Variants in SPAG16 observed in about 807,000 individuals in gnomAD.
The protein encoded by SPAG16 is sperm associated antigen 16.
Under a neutral mutation model 80.4 loss-of-function variants are expected in SPAG16, and 86 were observed. The ratio of observed to expected loss-of-function variants is 1.07; its 90% CI spans 0.90 to 1.28. SPAG16 has a LOEUF of 1.28. SPAG16 is among the 50% of genes most tolerant of loss of function. SPAG16 has a pLI of 0.00. For missense variants in SPAG16, 870 were observed against 765.3 expected, an observed-to-expected ratio of 1.14 and a Z score of -1.61; for synonymous variants, 294 against 265.9, an observed-to-expected ratio of 1.11 and a Z score of -1.03.
At chr2:214,395,921 C>A (rs1001913794) in intron 15 of SPAG16, among the ~76,000 whole-genome samples, 2 of 152,046 alleles carry the variant, frequency 1.3e-5, no homozygotes, top group African/African-American at 4.8e-5. Context: ...TTTCTTTAAC[C>A]AGTCTTCAGT....
chr2:214,296,730 G>C (rs1694161457), intron 15 of SPAG16, among the ~76,000 whole-genome samples: 1 of 152,112 alleles, frequency 6.6e-6, no homozygotes, highest in Non-Finnish European at 1.5e-5. Context: ...ACTGATAATA[G>C]TTTGGATGTA....
chr2:214,147,319 G>T (rs1239491648), intron 14 of SPAG16, among the ~76,000 whole-genome samples: 1 of 152,076 alleles, frequency 6.6e-6, no homozygotes, highest in African/African-American at 2.4e-5. Context: ...TAACAATGAT[G>T]AAACTATTTT....
chr2:213,317,307 G>A lies in SPAG16; in HGVS notation c.487G>A (p.Glu163Lys), dbSNP rs2063438126. 6.2e-7 allele frequency: 1 copy of A among 1,611,186 alleles called. No homozygotes were observed. Among genetic ancestry groups the A allele is most frequent in the African/African-American group, 1.3e-5 (1 of 74,778 alleles). Residue 163 changes from glutamate to lysine, a missense_variant, in exon 5 of 16, where the codon GAG becomes AAG. Glu to Lys is a moderately conservative substitution (Grantham distance 56). Transcript: ENST00000331683. ...CACCCAGATTATGCTTTTGGAAAAT[G>A]AGAACAAAAATTTAAAGAAAGATTT... ...VYTQIMLLEN[E>K]NKNLKKDLKH...
At chr2:213,291,421 A>G (rs1327919993) in intron 1 of SPAG16, among the ~76,000 whole-genome samples, 1 of 152,166 alleles carries the variant, frequency 6.6e-6, no homozygotes, top group Non-Finnish European at 1.5e-5. Flanking sequence ...TTAAATATAA[A>G]TTATATTGTG....
intron 9 of SPAG16, among the ~76,000 whole-genome samples, chr2:213,403,438 CA>C: frequency 6.6e-6 from 1 of 152,234 alleles, no homozygotes; most frequent in Admixed American, 6.5e-5. Flanking sequence ...AGCATATAAA[CA>C]GAACCAAAGA....
chr2:214,263,425 T>C (rs1691322880), intron 15 of SPAG16, among the ~76,000 whole-genome samples: 1 of 152,224 alleles, frequency 6.6e-6, no homozygotes, highest in African/African-American at 2.4e-5. Context: ...ATTTCTGTTA[T>C]AAGCACTTGA....
At chr2:213,582,565 A>T (rs1363778177) in intron 10 of SPAG16, among the ~76,000 whole-genome samples, 1 of 152,146 alleles carries the variant, frequency 6.6e-6, no homozygotes, top group Non-Finnish European at 1.5e-5. Context: ...CTTTAAAAAG[A>T]GGAGTTTTTG....
intron 14 of SPAG16, among the ~76,000 whole-genome samples, chr2:214,128,916 A>AGT: frequency 6.6e-6 from 1 of 151,806 alleles, no homozygotes; most frequent in East Asian, 1.9e-4. Flanking sequence ...CCCGCTACTA[A>AGT]AGCGGGGAAG....
intron 6 of SPAG16, among the ~76,000 whole-genome samples, chr2:213,342,692 A>C (rs1235343945): frequency 6.6e-6 from 1 of 151,984 alleles, no homozygotes; most frequent in Non-Finnish European, 1.5e-5. Flanking sequence ...GGGCTATGTC[A>C]TTGTAAATAG....
chr2:213,918,949 A>T (rs1264977307), intron 11 of SPAG16, among the ~76,000 whole-genome samples: 1 of 151,852 alleles, frequency 6.6e-6, no homozygotes, highest in Non-Finnish European at 1.5e-5. Context: ...TCTGATGGTT[A>T]TTTGTATTTC....
intron 10 of SPAG16, among the ~76,000 whole-genome samples, chr2:213,628,561 A>G (rs1298738130): frequency 6.6e-6 from 1 of 152,214 alleles, no homozygotes; most frequent in African/African-American, 2.4e-5. Flanking sequence ...TGATCATAGA[A>G]CATTGCACAA....
intron 10 of SPAG16, among the ~76,000 whole-genome samples, chr2:213,705,253 TAAGAAAGA>T (rs143987348): frequency 2.2e-5 from 3 of 134,356 alleles, no homozygotes; most frequent in Middle Eastern, 3.6e-3. Context: ...GTCTCAAAAA[TAAGAAAGA>T]AAGAGAGAGA....
At chr2:214,331,809 C>A (rs570237880) in intron 15 of SPAG16, among the ~76,000 whole-genome samples, 1 of 152,312 alleles carries the variant, frequency 6.6e-6, no homozygotes, top group Admixed American at 6.5e-5. Context: ...AGGTGTTATG[C>A]TATGCCATTT....
At chr2:214,108,481 C>CACACACACACACACACA (rs879629337) in intron 14 of SPAG16, among the ~76,000 whole-genome samples, 6 of 74,848 alleles carry the variant, frequency 8.0e-5, no homozygotes, top group Non-Finnish European at 7.6e-5. Flanking sequence ...ACACACACAC[C>CACACACACACACACACA]CCCACACACA....
intron 10 of SPAG16, among the ~76,000 whole-genome samples, chr2:213,673,142 A>G (rs2063890072): frequency 6.6e-6 from 1 of 151,898 alleles, no homozygotes; most frequent in Admixed American, 6.6e-5. Flanking sequence ...CCCAAAACCT[A>G]CCACACTCAT....
intron 15 of SPAG16, among the ~76,000 whole-genome samples, chr2:214,395,712 AT>A (rs1553573799): frequency 6.7e-6 from 1 of 149,098 alleles, no homozygotes; most frequent in African/African-American, 2.5e-5. Flanking sequence ...CCTGGTGTCT[AT>A]TTTTTTTTCC....
intron 15 of SPAG16, among the ~76,000 whole-genome samples, chr2:214,292,125 A>G (rs1051930432): frequency 2.6e-5 from 4 of 152,104 alleles, no homozygotes; most frequent in African/African-American, 4.8e-5. Context: ...TGTTAGTCTG[A>G]TGGGAGTTCC....
chr2:213,374,805 C>A (rs1179747528), intron 8 of SPAG16, among the ~76,000 whole-genome samples: 1 of 151,938 alleles, frequency 6.6e-6, no homozygotes, highest in Non-Finnish European at 1.5e-5. Flanking sequence ...ATTTAATTAA[C>A]CTTGTAGTAA....
chr2:214,345,398 T>A (rs1697990411), intron 15 of SPAG16, among the ~76,000 whole-genome samples: 1 of 152,144 alleles, frequency 6.6e-6, no homozygotes, highest in South Asian at 2.1e-4. Context: ...TTCAGCCCGC[T>A]CTCATCTCTC....
Sources: gnomAD v4.1 joint callset for allele counts (sites outside exome capture counted in the v4.1 genomes callset) on GRCh38, gnomAD v4.1.1 for gene constraint, MANE v1.5 for transcripts, NCBI Gene and HGNC (gene_info 2026-07-23, HGNC 2026-07-21) for gene names.